Variants in LIMK1 observed in about 807,000 individuals in gnomAD.
LIMK1 encodes the protein LIM motif-containing protein kinase.
In LIMK1, 21 loss-of-function variants were observed where a neutral mutation model predicts 77.6. That is an observed-to-expected ratio of 0.27 (90% CI 0.19 to 0.39). The LOEUF (loss-of-function observed/expected upper bound fraction) is 0.39, where lower values mean the gene tolerates loss of function less well. LIMK1 is among the 10% of genes least tolerant of loss of function. LIMK1 has a pLI of 1.00. For missense variants in LIMK1, 696 were observed against 901.6 expected (o/e 0.77, Z 2.92); for synonymous variants, 358 against 370.0 (o/e 0.97, Z 0.37).
At chr7:74,106,979 G>A (rs781845721) in intron 7 of LIMK1, 31 bp from the exon 8 acceptor site, 101 of 1,528,198 alleles carry the variant, frequency 6.6e-5, no homozygotes, top group East Asian at 9.6e-5. Context: ...CCTGTCCCCC[G>A]GTGGCACTTG....
chr7:74,103,967 A>G (rs1236644631), intron 5 of LIMK1, among the ~76,000 whole-genome samples: 4 of 151,602 alleles, frequency 2.6e-5, no homozygotes, highest in African/African-American at 9.7e-5. Flanking sequence ...CTAATTTTTT[A>G]TTTTTTGTAA....
chr7:74,100,441 T>C (rs1031482672), intron 5 of LIMK1, among the ~76,000 whole-genome samples: 1 of 152,162 alleles, frequency 6.6e-6, no homozygotes, highest in Non-Finnish European at 1.5e-5. Flanking sequence ...TTCTTTTTTT[T>C]TGAGACAGTC....
intron 11 of LIMK1, 23 bp from the exon 12 acceptor site, chr7:74,111,910 G>C (rs1554698706): frequency 6.2e-7 from 1 of 1,606,874 alleles, no homozygotes; most frequent in African/African-American, 1.3e-5. Context: ...GCTGCCCCCT[G>C]ACTCCCGTGT....
At chr7:74,085,018 G>T (rs1799108529) in intron 1 of LIMK1, among the ~76,000 whole-genome samples, 1 of 152,216 alleles carries the variant, frequency 6.6e-6, no homozygotes, top group Admixed American at 6.5e-5. Context: ...GACTGGGCAA[G>T]CCATGCCATC....
intron 2 of LIMK1, chr7:74,094,119 A>G (rs1799291468): frequency 6.6e-6 from 1 of 152,426 alleles, no homozygotes; most frequent in South Asian, 2.1e-4. Flanking sequence ...GGAATCACTT[A>G]TGCTCTCTCC....
At chr7:74,112,788 G>A (rs1044073051) in intron 12 of LIMK1, among the ~76,000 whole-genome samples, 6 of 151,794 alleles carry the variant, frequency 4.0e-5, no homozygotes, top group Non-Finnish European at 8.8e-5. Context: ...TCGCGCCACC[G>A]CACTCCAGCC....
intron 5 of LIMK1, among the ~76,000 whole-genome samples, chr7:74,101,656 ATT>A (rs1229840883): frequency 5.3e-5 from 8 of 152,130 alleles, no homozygotes; most frequent in Non-Finnish European, 1.2e-4. Flanking sequence ...AGATTTACTT[ATT>A]TGTTTTAAAC....
At chr7:74,109,516 T>C (rs1231339686) in intron 10 of LIMK1, 1 of 167,644 alleles carries the variant, frequency 6.0e-6, no homozygotes, top group Non-Finnish European at 1.3e-5. Context: ...AGGTCAGGAG[T>C]CCAAGACCAG....
intron 2 of LIMK1, among the ~76,000 whole-genome samples, chr7:74,088,659 A>G (rs1466525446): frequency 6.6e-6 from 1 of 151,938 alleles, no homozygotes; most frequent in Non-Finnish European, 1.5e-5. Context: ...AAAATTAGCC[A>G]GGCATGGTGG....
intron 2 of LIMK1, among the ~76,000 whole-genome samples, chr7:74,091,464 C>T (rs1488867916): frequency 6.6e-6 from 1 of 152,176 alleles, no homozygotes; most frequent in African/African-American, 2.4e-5. Context: ...CTGCAGTGAG[C>T]TGTGATCACG....
At position 74,106,077 on chromosome 7, in the gene LIMK1, A is replaced by G. The variant is rs1554697437; in HGVS notation, c.715A>G (p.Ile239Val). ...TPIRNVPLDE[I>V]DLLIQETSRL... ...CCATTCACATGCCTGCTGTCCCCAG[A>G]TTGACCTGCTGATTCAGGAAACCAG... Residue 239 changes from isoleucine (I) to valine (V), a missense_variant and splice_region_variant, in exon 7 of 16, where the codon ATT (isoleucine) becomes GTT (valine). This residue lies in a region of LIMK1 where 438 missense variants were observed against 602.3 expected (regional missense o/e 0.73). Coordinates refer to ENST00000336180, the MANE Select transcript of LIMK1 (RefSeq NM_002314.4). 2 of 1,613,914 alleles carry G rather than the reference A, an allele frequency of 1.2e-6. No homozygotes were observed. The highest frequency in any genetic ancestry group is 1.7e-6 in the Non-Finnish European group (2 of 1,179,960).
intron 5 of LIMK1, 62 bp downstream of exon 5, chr7:74,099,300 G>A: frequency 1.3e-6 from 2 of 1,521,382 alleles, no homozygotes; most frequent in Non-Finnish European, 1.8e-6. Flanking sequence ...GTGGGTGGCA[G>A]AGTCTGGCAC....
chr7:74,088,438 G>T (rs1554694332), intron 2 of LIMK1, among the ~76,000 whole-genome samples: 1 of 152,164 alleles, frequency 6.6e-6, no homozygotes, highest in African/African-American at 2.4e-5. Context: ...AACAGAATAA[G>T]CTGAGGGATC....
At chr7:74,095,422 T>G (rs1799319564) in intron 2 of LIMK1, among the ~76,000 whole-genome samples, 1 of 152,166 alleles carries the variant, frequency 6.6e-6, no homozygotes, top group Non-Finnish European at 1.5e-5. Flanking sequence ...TATTTTATTT[T>G]TTAGAGAGAG....
chr7:74,109,142 T>C (rs1554698228), intron 10 of LIMK1, 106 bp downstream of exon 10: 1 of 876,284 alleles, frequency 1.1e-6, no homozygotes, highest in East Asian at 2.7e-5. Context: ...GCCACAGGGG[T>C]CTCAAAGGCC....
At chr7:74,108,814 C>T in intron 9 of LIMK1, 91 bp from the exon 10 acceptor site, 1 of 1,538,476 alleles carries the variant, frequency 6.5e-7, no homozygotes, top group Non-Finnish European at 8.8e-7. Flanking sequence ...AGACCGCCTA[C>T]AGCCCCTGGT....
chr7:74,107,327 T>C, intron 8 of LIMK1, 134 bp downstream of exon 8: 1 of 939,846 alleles, frequency 1.1e-6, no homozygotes, highest in Non-Finnish European at 1.5e-6. Flanking sequence ...TCTCCTCCCT[T>C]GGCCTCCTGG....
chr7:74,104,765 G>A (rs1272005217), intron 5 of LIMK1, among the ~76,000 whole-genome samples: 1 of 152,204 alleles, frequency 6.6e-6, no homozygotes, highest in Non-Finnish European at 1.5e-5. Context: ...TCTTCACCCT[G>A]CAATTGTGGC....
chr7:74,112,486 C>T (rs954307806), intron 12 of LIMK1, among the ~76,000 whole-genome samples: 12 of 151,944 alleles, frequency 7.9e-5, no homozygotes, highest in Non-Finnish European at 1.2e-4. Context: ...TTTGGGAGGC[C>T]GAGGCAGGCG....
Sources: allele counts gnomAD v4.1 joint callset (sites outside exome capture counted in the v4.1 genomes callset), GRCh38; gene constraint gnomAD v4.1.1; regional missense constraint gnomAD v4.1.1; transcripts MANE v1.5; gene names NCBI Gene and HGNC (gene_info 2026-07-23, HGNC 2026-07-21).